SACS: variants seen among roughly 807,000 people sequenced by gnomAD.
SACS encodes sacsin.
SACS carries 197 observed loss-of-function variants against 348.0 expected under a neutral mutation model. The observed-to-expected ratio is 0.57, with a 90% CI of 0.50 to 0.64. The LOEUF is 0.64. Ranked by LOEUF, SACS falls within the 30% of genes least tolerant of loss-of-function variation. SACS has a pLI of 0.00. For missense variants in SACS, 4,999 were observed against 5,360.8 expected (o/e 0.93, Z 2.11); for synonymous variants, 1,985 against 1,910.6 (o/e 1.04, Z -1.02).
chr13:23,358,990 C>T (rs1870564591), intron 6 of SACS, among the ~76,000 whole-genome samples: 1 of 151,952 alleles, frequency 6.6e-6, no homozygotes, highest in African/African-American at 2.4e-5. Context: ...GACCAGCCTG[C>T]CCAACATGGC....
At chr13:23,371,541 CA>C (rs1312492712) in intron 3 of SACS, among the ~76,000 whole-genome samples, 1 of 151,506 alleles carries the variant, frequency 6.6e-6, no homozygotes, top group East Asian at 1.9e-4. Context: ...ATTAGAGGAC[CA>C]AAAAAAATTG....
chr13:23,347,068 T>C (rs1869653354), intron 9 of SACS, among the ~76,000 whole-genome samples: 1 of 152,216 alleles, frequency 6.6e-6, no homozygotes. Flanking sequence ...TCAGGAGTGT[T>C]GGTTCAGAAA....
chr13:23,336,104 TACACACAAA>T lies in SACS; in HGVS notation c.7763_7771del (p.Leu2588_Tyr2591delinsHis). 6.2e-7 allele frequency: 1 copy of T among 1,611,646 alleles called. No homozygotes were observed. Among genetic ancestry groups the T allele is most frequent in the Non-Finnish European group, 8.5e-7 (1 of 1,178,090 alleles). On this transcript the variant is annotated inframe_deletion, in exon 10 of 10. Coordinates refer to ENST00000382292, the MANE Select transcript of SACS (RefSeq NM_014363.6). ...ATCTTCTGTAAATGGCTGGTTGTTG[TACACACAAA>T]GTGCTGGCCCTTGCAATGGGGCCCA...
intron 6 of SACS, among the ~76,000 whole-genome samples, chr13:23,359,721 G>T (rs915012661): frequency 1.3e-5 from 2 of 152,026 alleles, no homozygotes; most frequent in Non-Finnish European, 2.9e-5. Context: ...AGGTACTGAA[G>T]TATAATATAT....
At chr13:23,396,066 G>A (rs1872700506) in intron 2 of SACS, among the ~76,000 whole-genome samples, 1 of 152,136 alleles carries the variant, frequency 6.6e-6, no homozygotes, top group Non-Finnish European at 1.5e-5. Context: ...GTTCATGCCT[G>A]TAATCCCAGC....
At chr13:23,421,370 T>A (rs971179834) in intron 1 of SACS, among the ~76,000 whole-genome samples, 6 of 152,058 alleles carry the variant, frequency 3.9e-5, no homozygotes, top group African/African-American at 1.4e-4. Context: ...CTAGTTTCCC[T>A]GTGGAGTGTG....
chr13:23,405,211 A>G (rs1189883162), intron 2 of SACS, among the ~76,000 whole-genome samples: 1 of 152,218 alleles, frequency 6.6e-6, no homozygotes, highest in Non-Finnish European at 1.5e-5. Flanking sequence ...ACCAAAACAG[A>G]TATATAAACC....
At chr13:23,418,859 G>T (rs1383272978) in intron 1 of SACS, 1 of 152,330 alleles carries the variant, frequency 6.6e-6, no homozygotes, top group East Asian at 1.9e-4. Context: ...GTGCCCATGG[G>T]TTTGTCTCCA....
At chr13:23,429,159 A>G (rs1874315614) in intron 1 of SACS, among the ~76,000 whole-genome samples, 1 of 152,158 alleles carries the variant, frequency 6.6e-6, no homozygotes, top group South Asian at 2.1e-4. Flanking sequence ...TGACTAAAAT[A>G]TATTTGATGT....
intron 2 of SACS, among the ~76,000 whole-genome samples, chr13:23,401,899 G>A (rs1872993521): frequency 1.3e-5 from 2 of 152,188 alleles, no homozygotes; most frequent in South Asian, 2.1e-4. Context: ...AGTTTCCAGA[G>A]GCCAGGCGCA....
intron 2 of SACS, among the ~76,000 whole-genome samples, chr13:23,385,619 A>G (rs1038489409): frequency 6.6e-6 from 1 of 151,998 alleles, no homozygotes; most frequent in Non-Finnish European, 1.5e-5. Context: ...CGGCCACCCA[A>G]AGTGCTAGGA....
intron 6 of SACS, 143 bp from the exon 7 acceptor site, chr13:23,358,624 TTC>T (rs1870540323): frequency 1.2e-6 from 1 of 826,610 alleles, no homozygotes; most frequent in Admixed American, 2.4e-5. Context: ...CACACTATAA[TTC>T]TGTTTTTACA....
chr13:23,340,132 G>C lies in SACS; in HGVS notation c.3744C>G (p.Phe1248Leu). 1 of 1,613,732 alleles carries C rather than the reference G, an allele frequency of 6.2e-7. No homozygotes were observed. Among genetic ancestry groups the C allele is most frequent in the Non-Finnish European group, 8.5e-7 (1 of 1,179,860 alleles). The change falls in exon 10 of 10, where the codon TTC (phenylalanine) becomes TTG (leucine). Residue 1248 changes from phenylalanine to leucine, a missense_variant. By Grantham distance (22) the Phe-to-Leu change is conservative. Around this residue, in one of 6 missense-constraint regions of SACS, gnomAD observed 3,156 missense variants for 3,380.1 expected, o/e 0.93. Transcript: ENST00000382292. ...CGTAAATCTCAAGCAAAATATGCTG[G>C]AATTGATAGTAGTCTTCATCACTAA... ...KTFSDEDYYQ[F>L]QHILLEIYGF...
At chr13:23,396,739 T>C (rs1872726687) in intron 2 of SACS, among the ~76,000 whole-genome samples, 1 of 152,204 alleles carries the variant, frequency 6.6e-6, no homozygotes, top group Non-Finnish European at 1.5e-5. Flanking sequence ...ATGTGTATGT[T>C]AACTGAAAAT....
chr13:23,420,170 C>T (rs1158325898), intron 1 of SACS, among the ~76,000 whole-genome samples: 1 of 152,056 alleles, frequency 6.6e-6, no homozygotes, highest in Non-Finnish European at 1.5e-5. Context: ...CCCATGTCCA[C>T]CTATGGATTA....
rs923921184 is a variant in SACS, at chr13:23,354,940, G to C, written c.1672C>G (p.Gln558Glu). 8 of 1,614,080 alleles carry C rather than the reference G, an allele frequency of 5.0e-6. No individual in the cohort carries two copies. In the African/African-American group the frequency reaches 6.7e-5, roughly 13 times the overall value. The change falls in exon 8 of 10, where the codon CAG becomes GAG. Residue 558 changes from glutamine to glutamate, a missense_variant. Physicochemically the swap from Gln to Glu is conservative, Grantham distance 29. Coordinates refer to ENST00000382292, the MANE Select transcript of SACS (RefSeq NM_014363.6). The stretch of plus-strand genomic sequence containing the variant: ...CTAATTGAATAAATCACTGCATTCT[G>C]CAACAGCTCGCTGAATAGAGGCTCT... ...VLEPLFSELL[Q>E]NAVIYSISCD...
intron 1 of SACS, among the ~76,000 whole-genome samples, chr13:23,422,205 G>C (rs544393701): frequency 6.6e-6 from 1 of 152,066 alleles, no homozygotes; most frequent in South Asian, 2.1e-4. Flanking sequence ...ACATTTTATA[G>C]AATCTAACAA....
Position 23,340,465 on chromosome 13 carries a change from C to T in SACS, c.3411G>A (p.Lys1137=), listed in dbSNP as rs1327822954. 6.2e-7 allele frequency: 1 copy of T among 1,613,360 alleles called. No homozygotes were observed. The highest frequency in any genetic ancestry group is 1.3e-5 in the African/African-American group (1 of 74,838). The change falls in exon 10 of 10, where the codon AAG becomes AAA. Residue 1137 remains lysine (K), a synonymous_variant. Coordinates refer to ENST00000382292, the MANE Select transcript of SACS (RefSeq NM_014363.6). ...CAGATGATTGCAACAGTGTGTGATT[C>T]TTATTTAAAACCAGTAAGAGGGTTT... The part of the protein sequence containing the change: ...KAKTLLLVLN[K]NHTLLQSSEG...
intron 6 of SACS, 92 bp downstream of exon 6, chr13:23,365,074 G>T: frequency 2.3e-6 from 2 of 857,650 alleles, no homozygotes; most frequent in Non-Finnish European, 3.8e-6. Flanking sequence ...AAGTACAAAT[G>T]ATAGACTGTT....
Sources: allele counts gnomAD v4.1 joint callset (sites outside exome capture counted in the v4.1 genomes callset), GRCh38; gene constraint gnomAD v4.1.1; regional missense constraint gnomAD v4.1.1; transcripts MANE v1.5; gene names NCBI Gene and HGNC (gene_info 2026-07-23, HGNC 2026-07-21).